Variants in BTC observed in about 807,000 individuals in gnomAD.
The protein encoded by BTC is probetacellulin.
BTC carries 13 observed loss-of-function variants against 18.1 expected under a neutral mutation model. The observed-to-expected ratio is 0.72, with a 90% confidence interval of 0.47 to 1.14. BTC has a LOEUF of 1.14. Ranked by LOEUF, BTC falls within the 50% of genes most tolerant of loss-of-function variation. The pLI, the probability that BTC is intolerant of heterozygous loss-of-function variation, is 0.00. For missense variants in BTC, 247 were observed against 224.2 expected (o/e 1.10, Z -0.65); for synonymous variants, 83 against 79.4 (o/e 1.05, Z -0.24).
intron 1 of BTC, among the ~76,000 whole-genome samples, chr4:74,788,278 C>T (rs910101847): frequency 3.3e-5 from 5 of 151,778 alleles, no homozygotes; most frequent in Non-Finnish European, 4.4e-5. Context: ...TAGTGCTACA[C>T]AAAAAAAATG....
At chr4:74,756,994 G>A (rs1724618904) in intron 2 of BTC, among the ~76,000 whole-genome samples, 1 of 152,092 alleles carries the variant, frequency 6.6e-6, no homozygotes, top group Non-Finnish European at 1.5e-5. Flanking sequence ...CACACCCACA[G>A]AAAACAGAAA....
chr4:74,775,399 G>T (rs1725149702), intron 1 of BTC, among the ~76,000 whole-genome samples: 1 of 152,088 alleles, frequency 6.6e-6, no homozygotes, highest in African/African-American at 2.4e-5. Context: ...TTTTAAAGAA[G>T]ATGAAGGAAA....
intron 1 of BTC, among the ~76,000 whole-genome samples, chr4:74,779,074 G>A (rs1456373174): frequency 6.6e-6 from 1 of 152,000 alleles, no homozygotes; most frequent in Non-Finnish European, 1.5e-5. Flanking sequence ...TTTACAAATA[G>A]TGTATGTTCA....
At chr4:74,779,594 A>C (rs1725265117) in intron 1 of BTC, among the ~76,000 whole-genome samples, 1 of 152,118 alleles carries the variant, frequency 6.6e-6, no homozygotes, top group East Asian at 1.9e-4. Flanking sequence ...CCAAGGAAAA[A>C]GGACAATTTG....
At chr4:74,778,565 C>T (rs1725236817) in intron 1 of BTC, among the ~76,000 whole-genome samples, 2 of 152,028 alleles carry the variant, frequency 1.3e-5, no homozygotes, top group Non-Finnish European at 1.5e-5. Flanking sequence ...AGTATGTAGG[C>T]CACATGAATG....
At chr4:74,781,013 G>C (rs1239230719) in intron 1 of BTC, among the ~76,000 whole-genome samples, 1 of 151,782 alleles carries the variant, frequency 6.6e-6, no homozygotes, top group Non-Finnish European at 1.5e-5. Context: ...TTGCCAAAGT[G>C]CAGTAATATC....
intron 1 of BTC, among the ~76,000 whole-genome samples, chr4:74,786,416 C>T (rs750858177): frequency 3.9e-5 from 6 of 152,136 alleles, no homozygotes; most frequent in African/African-American, 1.2e-4. Context: ...GTTATGAAAT[C>T]GTTATATGTA....
chr4:74,751,488 CT>C (rs1374271728), intron 3 of BTC, among the ~76,000 whole-genome samples: 1 of 152,158 alleles, frequency 6.6e-6, no homozygotes, highest in Non-Finnish European at 1.5e-5. Flanking sequence ...AATGCCCTCC[CT>C]TTTTTCCATG....
At chr4:74,775,455 A>G (rs760200088) in intron 1 of BTC, among the ~76,000 whole-genome samples, 6 of 152,188 alleles carry the variant, frequency 3.9e-5, no homozygotes, top group Non-Finnish European at 8.8e-5. Flanking sequence ...TCCACTCAAA[A>G]AGATCATAGG....
intron 3 of BTC, among the ~76,000 whole-genome samples, chr4:74,752,679 G>A (rs1724495853): frequency 6.6e-6 from 1 of 151,846 alleles, no homozygotes; most frequent in Non-Finnish European, 1.5e-5. Flanking sequence ...GTGACTGGCC[G>A]GGAATCACTT....
intron 2 of BTC, among the ~76,000 whole-genome samples, chr4:74,756,368 A>C (rs56148614): frequency 6.6e-6 from 1 of 152,130 alleles, no homozygotes; most frequent in Non-Finnish European, 1.5e-5. Flanking sequence ...GTTTAACTTA[A>C]ACATTTACAT....
intron 3 of BTC, among the ~76,000 whole-genome samples, chr4:74,752,300 A>G (rs1724482292): frequency 6.6e-6 from 1 of 152,114 alleles, no homozygotes; most frequent in Non-Finnish European, 1.5e-5. Context: ...GGTCAAAATT[A>G]CAGGAAGAGA....
chr4:74,748,650 CTT>C (rs1160433693), intron 4 of BTC, among the ~76,000 whole-genome samples: 22 of 152,216 alleles, frequency 1.4e-4, no homozygotes, highest in African/African-American at 4.6e-4. Flanking sequence ...AAAAATGTCA[CTT>C]ATATTGATGG....
At chr4:74,777,264 T>C (rs1725201832) in intron 1 of BTC, among the ~76,000 whole-genome samples, 1 of 152,164 alleles carries the variant, frequency 6.6e-6, no homozygotes, top group Non-Finnish European at 1.5e-5. Flanking sequence ...ATGGTAAAAA[T>C]GTAGCTGTGT....
chr4:74,749,993 G>A (rs1724416482), intron 4 of BTC, among the ~76,000 whole-genome samples: 2 of 151,336 alleles, frequency 1.3e-5, no homozygotes, highest in South Asian at 4.2e-4. Flanking sequence ...CTACTCAGGA[G>A]GCTGAGGTAT....
rs565941257 is a variant in BTC, at chr4:74,753,688, T to C, written c.281+2171A>G. ...GAGTTTTGCCTGAATCTGTGCTATA[T>C]CACCTGAAACATCAGTCCTAGGTTG... On this transcript the variant is annotated intron_variant, in intron 3 of 5. Coordinates refer to ENST00000395743, the MANE Select transcript of BTC (RefSeq NM_001729.4). Among the ~76,000 whole-genome samples the C allele has an allele frequency of 9.2e-5, 14 of 152,282 alleles. No homozygotes were observed. The South Asian group carries it at 2.9e-3, about 32-fold the overall frequency.
intron 1 of BTC, among the ~76,000 whole-genome samples, chr4:74,787,382 T>C (rs1179052624): frequency 6.6e-6 from 1 of 152,194 alleles, no homozygotes; most frequent in Non-Finnish European, 1.5e-5. Flanking sequence ...TGATGTGAAT[T>C]AAGATTAAAT....
chr4:74,792,573 G>A (rs1190500379), intron 1 of BTC, among the ~76,000 whole-genome samples: 1 of 152,180 alleles, frequency 6.6e-6, no homozygotes, highest in East Asian at 1.9e-4. Flanking sequence ...CTGTGATGGT[G>A]TGTGTTTAAT....
chr4:74,793,484 G>C (rs1725686623), intron 1 of BTC, among the ~76,000 whole-genome samples: 1 of 152,180 alleles, frequency 6.6e-6, no homozygotes, highest in African/African-American at 2.4e-5. Flanking sequence ...TGTGTCTACA[G>C]CCCAGCTAAG....
Sources: allele counts gnomAD v4.1 joint callset (sites outside exome capture counted in the v4.1 genomes callset), GRCh38; gene constraint gnomAD v4.1.1; transcripts MANE v1.5; gene names NCBI Gene and HGNC (gene_info 2026-07-23, HGNC 2026-07-21).